Variants in DNAH7 observed in about 807,000 individuals in gnomAD.
DNAH7 encodes dynein axonemal heavy chain 7.
In DNAH7, 397 loss-of-function variants were observed where a neutral mutation model predicts 444.6. That is an observed-to-expected ratio of 0.89 (90% CI 0.82 to 0.97). The LOEUF is 0.97. Among genes scored for constraint, DNAH7 ranks in the 50% least tolerant of loss-of-function variants. The probability of loss-of-function intolerance (pLI) is 0.00; values close to 1 mark genes in which losing one functional copy is unlikely to be tolerated. For missense variants in DNAH7, 4,902 were observed against 4,800.8 expected, an observed-to-expected ratio of 1.02 and a Z score of -0.62; for synonymous variants, 1,636 against 1,624.4, an observed-to-expected ratio of 1.01 and a Z score of -0.17.
intron 19 of DNAH7, among the ~76,000 whole-genome samples, chr2:195,941,434 A>G (rs1689432173): frequency 7.0e-6 from 1 of 142,840 alleles, no homozygotes; most frequent in Non-Finnish European, 1.5e-5. Flanking sequence ...AGGGCTTAAA[A>G]CCTAGAACCT....
chr2:196,006,702 T>C (rs985222589), intron 10 of DNAH7, among the ~76,000 whole-genome samples: 6 of 151,850 alleles, frequency 4.0e-5, no homozygotes, highest in Admixed American at 1.3e-4. Flanking sequence ...TTTAGTAAGG[T>C]AGTAGAATAC....
intron 15 of DNAH7, among the ~76,000 whole-genome samples, chr2:195,980,790 T>C (rs1393248869): frequency 6.6e-6 from 1 of 151,150 alleles, no homozygotes; most frequent in Non-Finnish European, 1.5e-5. Context: ...AAAAGCATTT[T>C]ATAAAATTCA....
At position 195,790,796 on chromosome 2, in the gene DNAH7, C is replaced by T. The variant is rs560768412; in HGVS notation, c.10716+3542G>A. ...ATTGGCCTTGGAAAATAATTTTTGGCTAAGTCCTCAAAAGCAGCTGCAACA... is the reference window on the plus strand; with the variant it reads ...ATTGGCCTTGGAAAATAATTTTTGGTTAAGTCCTCAAAAGCAGCTGCAACA... On this transcript the variant is annotated intron_variant, in intron 57 of 64. Coordinates refer to ENST00000312428, the MANE Select transcript of DNAH7 (RefSeq NM_018897.3). Among the ~76,000 whole-genome samples, 5 of 152,184 alleles carry T rather than the reference C, an allele frequency of 3.3e-5. No individual in the cohort carries two copies. In the South Asian group the frequency reaches 1.0e-3, roughly 32 times the overall value.
rs185965329 is a variant in DNAH7 at position 195,889,015 on chromosome 2, C to A, written c.5047-34G>T. On this transcript the variant is annotated intron_variant, in intron 31 of 64. Transcript: ENST00000312428. ...TGCATATGTGAACAGAGGGCAAAAA[C>A]GTAATGATGATAATATAAAGAAACA... 9 of 1,544,702 alleles carry A rather than the reference C, an allele frequency of 5.8e-6. No individual in the cohort carries two copies. In the Admixed American group the frequency reaches 9.7e-5, roughly 17 times the overall value.
At chr2:195,970,455 G>C (rs1424954666) in intron 16 of DNAH7, among the ~76,000 whole-genome samples, 2 of 151,684 alleles carry the variant, frequency 1.3e-5, no homozygotes, top group South Asian at 4.2e-4. Flanking sequence ...ATCAAGAATG[G>C]GACTAAAAGA....
At chr2:195,863,669 G>A (rs1266479201) in intron 41 of DNAH7, among the ~76,000 whole-genome samples, 1 of 152,170 alleles carries the variant, frequency 6.6e-6, no homozygotes, top group Non-Finnish European at 1.5e-5. Context: ...CCGTAGCTGA[G>A]TTCTACGTTT....
At chr2:195,747,221 C>T (rs1304393169) in intron 63 of DNAH7, among the ~76,000 whole-genome samples, 3 of 152,096 alleles carry the variant, frequency 2.0e-5, no homozygotes, top group East Asian at 1.9e-4. Context: ...CTACAAACAC[C>T]TCTACGCAAA....
chr2:195,754,487 C>T lies in DNAH7; in HGVS notation c.11614G>A (p.Val3872Ile), dbSNP rs1240499159. 4 of 1,613,946 alleles carry T rather than the reference C, an allele frequency of 2.5e-6. No individual in the cohort carries two copies. Among genetic ancestry groups the T allele is most frequent in the Non-Finnish European group, 8.5e-7 (1 of 1,179,960 alleles). ...AAGAAGAAGCCAGAAAGCCAGAAGA[C>T]TGGAGGAGGACCAACCTCATACCAT... ...QQWYEVGPPP[V>I]FWLSGFFFTQ... Residue 3872 changes from valine to isoleucine, a missense_variant, in exon 63 of 65, where the codon GTC (valine) becomes ATC (isoleucine). Transcript: ENST00000312428.
chr2:195,943,100 G>A (rs1574840216), intron 19 of DNAH7, among the ~76,000 whole-genome samples: 1 of 152,130 alleles, frequency 6.6e-6, no homozygotes, highest in Admixed American at 6.6e-5. Context: ...CACCATGTAA[G>A]ATGTGACTTT....
At chr2:195,810,134 T>C (rs577300772) in intron 51 of DNAH7, among the ~76,000 whole-genome samples, 3 of 152,220 alleles carry the variant, frequency 2.0e-5, no homozygotes, top group Admixed American at 1.3e-4. Flanking sequence ...GGATGGTATA[T>C]TAATCTGTTA....
chr2:195,890,747 G>A (rs963839146), intron 31 of DNAH7, among the ~76,000 whole-genome samples: 23 of 152,104 alleles, frequency 1.5e-4, no homozygotes, highest in Non-Finnish European at 3.2e-4. Context: ...GTCATTCATT[G>A]CCTAAGGTCT....
At position 195,888,841 on chromosome 2, in the gene DNAH7, T is replaced by C. The variant is rs747811552; in HGVS notation, c.5187A>G (p.Leu1729=). Residue 1729 remains leucine (L), a synonymous_variant, in exon 32 of 65, where the codon CTA becomes CTG. Coordinates refer to ENST00000312428, the MANE Select transcript of DNAH7 (RefSeq NM_018897.3). ...CTTCTAAATCCATTGGCTCAAAAAT[T>C]AGATTCATTTGTGGTGACATCTGAA... ...EIIQMSPQMN[L]IFEPMDLEVA... The C allele has an allele frequency of 6.2e-6, 10 of 1,613,140 alleles. No individual in the cohort carries two copies. The highest frequency in any genetic ancestry group is 5.5e-5 in the South Asian group (5 of 90,678).
At chr2:195,906,114 T>C (rs925041946) in intron 27 of DNAH7, among the ~76,000 whole-genome samples, 1 of 151,966 alleles carries the variant, frequency 6.6e-6, no homozygotes, top group Non-Finnish European at 1.5e-5. Context: ...GCATACACAA[T>C]AGTGTGTTTC....
At chr2:195,973,443 A>G (rs1409094771) in intron 15 of DNAH7, among the ~76,000 whole-genome samples, 3 of 151,850 alleles carry the variant, frequency 2.0e-5, no homozygotes, top group African/African-American at 7.3e-5. Flanking sequence ...GTTTGGACCT[A>G]TACAGTTTTT....
At chr2:195,942,469 AGAG>A (rs547521723) in intron 19 of DNAH7, among the ~76,000 whole-genome samples, 122 of 152,010 alleles carry the variant, frequency 8.0e-4, no homozygotes, top group Admixed American at 2.8e-3. Flanking sequence ...AAGAAGAGGA[AGAG>A]GAGGAGGAAG....
intron 60 of DNAH7, among the ~76,000 whole-genome samples, chr2:195,775,198 C>A (rs942917518): frequency 6.6e-6 from 1 of 152,200 alleles, no homozygotes; most frequent in Admixed American, 6.5e-5. Flanking sequence ...CCTGTGCTCA[C>A]GGCAGCTAAA....
At chr2:195,749,362 G>T (rs1391173092) in intron 63 of DNAH7, among the ~76,000 whole-genome samples, 1 of 150,444 alleles carries the variant, frequency 6.6e-6, no homozygotes, top group Non-Finnish European at 1.5e-5. Context: ...GGAGAAATAG[G>T]AACACTTTTA....
At chr2:195,787,521 T>C (rs1010063948) in intron 57 of DNAH7, among the ~76,000 whole-genome samples, 7 of 152,040 alleles carry the variant, frequency 4.6e-5, no homozygotes, top group Non-Finnish European at 1.0e-4. Context: ...CAGATCACCA[T>C]GGAGAAATGT....
At chr2:195,824,177 T>C in intron 49 of DNAH7, 78 bp downstream of exon 49, 1 of 1,318,612 alleles carries the variant, frequency 7.6e-7, no homozygotes, top group East Asian at 2.5e-5. Flanking sequence ...GGAAGACTTG[T>C]TCTTCTTATG....
Sources: allele counts gnomAD v4.1 joint callset (sites outside exome capture counted in the v4.1 genomes callset), GRCh38; gene constraint gnomAD v4.1.1; transcripts MANE v1.5; gene names NCBI Gene and HGNC (gene_info 2026-07-23, HGNC 2026-07-21).